TOP3B: variants seen among roughly 807,000 people sequenced by gnomAD.
The protein encoded by TOP3B is DNA topoisomerase III beta.
In TOP3B, 45 loss-of-function variants were observed where a neutral mutation model predicts 93.9. That is an observed-to-expected ratio of 0.48 (90% CI 0.38 to 0.61). The LOEUF (loss-of-function observed/expected upper bound fraction) is 0.61, where lower values mean the gene tolerates loss of function less well. Among genes scored for constraint, TOP3B ranks in the 20% least tolerant of loss-of-function variants. TOP3B has a pLI of 0.00. For synonymous variants in TOP3B, 357 were observed against 472.6 expected (o/e 0.76, Z 3.17); for missense variants, 750 against 1,156.1 (o/e 0.65, Z 5.09).
chr22:21,978,482 G>A (rs2071974124), intron 1 of TOP3B, among the ~76,000 whole-genome samples: 1 of 152,208 alleles, frequency 6.6e-6, no homozygotes, highest in Non-Finnish European at 1.5e-5. Context: ...GCAGTCTGAT[G>A]TGGGACTTCA....
intron 6 of TOP3B, chr22:21,969,043 A>C: frequency 2.4e-6 from 1 of 414,094 alleles, no homozygotes; most frequent in East Asian, 4.1e-5. Flanking sequence ...TCTACTGCAC[A>C]CTCTCCTCAG....
Position 21,971,757 on chromosome 22 carries a change from A to T in TOP3B, c.384+120T>A. On this transcript the variant is annotated intron_variant, in intron 5 of 17. Transcript: ENST00000357179. This position sits in a 1 kb window ranked among gnomAD's most constrained non-coding sequence, Gnocchi z 4.6. The stretch of plus-strand genomic sequence containing the variant: ...ATAAAGGGAGGGGAGAGGTGTTTTT[A>T]AACCGGTACAGTTTACTCCCTCCTT... 2.4e-6 allele frequency: 2 copies of T among 849,402 alleles called. No individual in the cohort carries two copies. Among genetic ancestry groups the T allele is most frequent in the Non-Finnish European group, 4.0e-6 (2 of 502,232 alleles). 52.6% of individuals were successfully genotyped at this position (849,402 alleles called of 1,614,324 possible). A position where few individuals can be genotyped will look rare whatever the true frequency, so the allele number is the denominator to read the frequency against.
intron 7 of TOP3B, 117 bp from the exon 8 acceptor site, chr22:21,967,833 C>G: frequency 1.3e-6 from 1 of 746,222 alleles, no homozygotes; most frequent in Non-Finnish European, 2.3e-6. Flanking sequence ...ATAGCCCTGG[C>G]TGTAATGGCT....
intron 16 of TOP3B, 26 bp downstream of exon 16, chr22:21,959,106 C>T (rs2145826476): frequency 6.2e-7 from 1 of 1,612,172 alleles, no homozygotes; most frequent in Non-Finnish European, 8.5e-7. Context: ...AGGCAGCTTG[C>T]CTGAGCTAGT....
At chr22:21,975,069 T>C (rs2145875851) in intron 2 of TOP3B, 1 of 152,870 alleles carries the variant, frequency 6.5e-6, no homozygotes, top group Non-Finnish European at 1.5e-5. Flanking sequence ...GTACCCAGCA[T>C]CTAAAACTCT....
intron 3 of TOP3B, chr22:21,973,068 C>A: frequency 2.8e-6 from 1 of 356,664 alleles, no homozygotes; most frequent in Non-Finnish European, 5.3e-6. Context: ...TGCCTGAGCA[C>A]TGGACCCCAC....
rs534679491 is a variant in TOP3B, at chr22:21,970,335, A to G, written c.456T>C (p.Phe152=). ...AGATGTCTGTGTCCGTGATGGAGCT[A>G]AACCTGGCCCGGAACACGGTCTTCT... ...GGEKTVFRAR[F]SSITDTDICN... The change falls in exon 6 of 18, where the codon TTT becomes TTC. Residue 152 remains phenylalanine (F), a synonymous_variant. Transcript: ENST00000357179. The surrounding 1 kb of genome is among the most constrained non-coding windows in gnomAD (Gnocchi z 4.4). 5.6e-6 allele frequency: 9 copies of G among 1,614,104 alleles called. No homozygotes were observed. In the East Asian group the frequency reaches 1.8e-4, roughly 32 times the overall value.
In TOP3B at chr22:21,963,642, T is replaced by C. The variant is rs1008089571; in HGVS notation, c.1204+281A>G. Reference sequence around the variant, plus strand: ...GCCAGCTGGGAGGTAGGAGGTGTGCTGCCCCCTCCCCCACACCGCCACTCT... The same window carrying C: ...GCCAGCTGGGAGGTAGGAGGTGTGCCGCCCCCTCCCCCACACCGCCACTCT... On this transcript the variant is annotated intron_variant, in intron 11 of 17. Coordinates refer to ENST00000357179, the MANE Select transcript of TOP3B (RefSeq NM_001282112.2). The surrounding 1 kb of genome is among the most constrained non-coding windows in gnomAD (Gnocchi z 4.8). The C allele has an allele frequency of 1.1e-5, 5 of 459,454 alleles. No individual in the cohort carries two copies. The highest frequency in any genetic ancestry group is 6.0e-5 in the African/African-American group (3 of 50,138). 28.5% of individuals were successfully genotyped at this position (459,454 alleles called of 1,614,324 possible). A position where few individuals can be genotyped will look rare whatever the true frequency, so the allele number is the denominator to read the frequency against.
intron 16 of TOP3B, 131 bp downstream of exon 16, chr22:21,959,001 C>T: frequency 7.3e-7 from 1 of 1,377,106 alleles, no homozygotes; most frequent in South Asian, 1.4e-5. Context: ...TATTTTTTGG[C>T]AAGGCCTCTT....
intron 8 of TOP3B, chr22:21,966,518 T>C (rs1253001303): frequency 6.6e-6 from 1 of 152,234 alleles, no homozygotes; most frequent in East Asian, 1.9e-4. Context: ...GGCAGAATTT[T>C]AGTATGAAAT....
chr22:21,963,867 T>G lies in TOP3B; in HGVS notation c.1204+56A>C. The G allele has an allele frequency of 6.3e-7, 1 of 1,579,426 alleles. No homozygotes were observed. The highest frequency in any genetic ancestry group is 8.7e-7 in the Non-Finnish European group (1 of 1,152,564). On this transcript the variant is annotated intron_variant, in intron 11 of 17. Coordinates refer to ENST00000357179, the MANE Select transcript of TOP3B (RefSeq NM_001282112.2). The surrounding 1 kb of genome is among the most constrained non-coding windows in gnomAD (Gnocchi z 4.8). ...CCAACAGGGCCTGCAACCTTCACTG[T>G]CGCAGCTCGCCCTTCCCTCCCTGGA...
At chr22:21,968,958 T>C in intron 6 of TOP3B, 183 bp from the exon 7 acceptor site, 1 of 612,492 alleles carries the variant, frequency 1.6e-6, no homozygotes, top group Non-Finnish European at 2.9e-6. Flanking sequence ...TGTGTGTACA[T>C]GGGTGACAGA....
At position 21,959,731 on chromosome 22, in the gene TOP3B, C is replaced by G; in HGVS notation, c.1660G>C (p.Glu554Gln). Residue 554 changes from glutamate (E) to glutamine (Q), a missense_variant, in exon 15 of 18, where the codon GAG becomes CAG. Physicochemically the swap from Glu to Gln is conservative, Grantham distance 29. This residue lies in a region of TOP3B where 737 missense variants were observed against 933.7 expected (regional missense o/e 0.79). Transcript: ENST00000357179. ...CTGCGGATGGTGGGGAGCACCAGCT[C>G]TGCATCTGCAAGTGGGCAGGGGGCA... ...LVHGYYKIDA[E>Q]LVLPTIRSAV... The G allele has an allele frequency of 6.2e-7, 1 of 1,612,634 alleles. No homozygotes were observed. The highest frequency in any genetic ancestry group is 8.5e-7 in the Non-Finnish European group (1 of 1,179,644).
At chr22:21,974,529 G>A in intron 2 of TOP3B, 41 bp from the exon 3 acceptor site, 1 of 1,554,864 alleles carries the variant, frequency 6.4e-7, no homozygotes, top group Non-Finnish European at 8.7e-7. Context: ...TGCTTCAGCT[G>A]AGCTGAAGAC....
chr22:21,981,669 T>A (rs929658984), intron 1 of TOP3B, among the ~76,000 whole-genome samples: 3 of 152,062 alleles, frequency 2.0e-5, no homozygotes, highest in Non-Finnish European at 4.4e-5. Context: ...TGGTGGCGCA[T>A]GCCTGTAATC....
In TOP3B at chr22:21,959,738, T is replaced by G. The variant is rs771041794; in HGVS notation, c.1655-2A>C. 2 of 1,612,204 alleles carry G rather than the reference T, an allele frequency of 1.2e-6. No individual in the cohort carries two copies. The highest frequency in any genetic ancestry group is 1.7e-6 in the Non-Finnish European group (2 of 1,179,470). On this transcript the variant is annotated splice_acceptor_variant, in intron 14 of 17. Transcript: ENST00000357179. LOFTEE classifies it high-confidence loss of function. ...TGGTGGGGAGCACCAGCTCTGCATCTGCAAGTGGGCAGGGGGCAGATATTG... is the reference window on the plus strand; with the variant it reads ...TGGTGGGGAGCACCAGCTCTGCATCGGCAAGTGGGCAGGGGGCAGATATTG...
chr22:21,982,682 C>T (rs1243444425), intron 1 of TOP3B, 48 bp downstream of exon 1: 2 of 152,258 alleles, frequency 1.3e-5, no homozygotes, highest in African/African-American at 2.4e-5. Flanking sequence ...GCGTGCGCTT[C>T]CCGCCTTTCT....
intron 6 of TOP3B, chr22:21,969,605 A>C (rs2071550766): frequency 1.3e-5 from 2 of 151,714 alleles, no homozygotes; most frequent in Admixed American, 1.3e-4. Flanking sequence ...TGTCTCAAAA[A>C]ACAAACAAAC....
At chr22:21,960,283 G>T (rs1321613590) in intron 14 of TOP3B, 38 bp downstream of exon 14, 1 of 1,612,126 alleles carries the variant, frequency 6.2e-7, no homozygotes, top group East Asian at 2.2e-5. Flanking sequence ...AAGCCAGGGA[G>T]CCTCGGTGGG....
Sources: gnomAD v4.1 joint callset for allele counts (sites outside exome capture counted in the v4.1 genomes callset) on GRCh38, gnomAD v4.1.1 for gene constraint, gnomAD v4.1.1 regional missense constraint, Gnocchi (gnomAD v3.1) non-coding constraint, MANE v1.5 for transcripts, NCBI Gene and HGNC (gene_info 2026-07-23, HGNC 2026-07-21) for gene names.